The following COL5A1 variants were observed in gnomAD, a reference collection of about 807,000 sequenced individuals.
COL5A1 encodes the protein collagen type V alpha 1 chain.
A neutral mutation model predicts 263.7 loss-of-function variants in COL5A1; 16 were observed. The observed-to-expected ratio is 0.06, with a 90% CI of 0.04 to 0.09. The LOEUF (loss-of-function observed/expected upper bound fraction) is 0.09, where lower values mean the gene tolerates loss of function less well. COL5A1 is among the 10% of genes least tolerant of loss of function. COL5A1 has a pLI of 1.00. For synonymous variants in COL5A1, 1,012 were observed against 1,004.5 expected (o/e 1.01, Z -0.14); for missense variants, 2,036 against 2,540.5 (o/e 0.80, Z 4.27).
chr9:134,725,546 G>A (rs76346363), intron 4 of COL5A1, among the ~76,000 whole-genome samples: 3,628 of 152,288 alleles, frequency 0.024, 137 homozygotes, highest in African/African-American at 0.082. Flanking sequence ...TGCAGATAGC[G>A]TTTATGAGAC....
intron 39 of COL5A1, among the ~76,000 whole-genome samples, chr9:134,803,205 G>C (rs1189788843): frequency 3.3e-5 from 5 of 152,154 alleles, no homozygotes; most frequent in African/African-American, 4.8e-5. Flanking sequence ...GGGCTTGAAG[G>C]GGGAGCGCAG....
rs762192750 is a variant in COL5A1, at chr9:134,824,625, C to A, written c.4724C>A (p.Pro1575His). Residue 1575 changes from proline to histidine, a missense_variant, in exon 62 of 66, where the codon CCC becomes CAC. By Grantham distance (77) the Pro-to-His change is moderately conservative (BLOSUM62 -2). Coordinates refer to ENST00000371817, the MANE Select transcript of COL5A1 (RefSeq NM_000093.5). ...GGCCCCCCGGGAGAGGTCATCCAGC[C>A]CCTGCCAATCCAGGCATCCAGGACG... ...PPGPPGEVIQ[P>H]LPIQASRTRR... 6.2e-7 allele frequency: 1 copy of A among 1,614,178 alleles called. No homozygotes were observed. The highest frequency in any genetic ancestry group is 1.7e-5 in the Admixed American group (1 of 60,016).
At chr9:134,817,896 G>T (rs2132861756) in intron 54 of COL5A1, 65 bp downstream of exon 54, 1 of 1,487,792 alleles carries the variant, frequency 6.7e-7, no homozygotes. Flanking sequence ...AGAGGGTGGG[G>T]AGTGGACAAG....
intron 1 of COL5A1, 151 bp from the exon 2 acceptor site, chr9:134,690,761 A>G (rs954465444): frequency 8.7e-6 from 8 of 917,462 alleles, no homozygotes; most frequent in Non-Finnish European, 1.4e-5. Context: ...CTCGCCCAGC[A>G]CGCGGCTCTA....
rs1048330710 is a variant in COL5A1, at chr9:134,716,277, G to A, written c.655-10989G>A. ...GCTGACATCCTCACAGATGACAAGG[G>A]AGGGACCCGGTGCCCAGGCCTCCTG... On this transcript the variant is annotated intron_variant, in intron 4 of 65. Transcript: ENST00000371817. This position sits in a 1 kb window ranked among gnomAD's most constrained non-coding sequence, Gnocchi z 4.5. Among the ~76,000 whole-genome samples, 3 of 152,188 alleles carry A rather than the reference G, an allele frequency of 2.0e-5. No homozygotes were observed. Among genetic ancestry groups the A allele is most frequent in the Non-Finnish European group, 4.4e-5 (3 of 68,038 alleles).
intron 4 of COL5A1, among the ~76,000 whole-genome samples, chr9:134,720,040 A>G (rs3109684): frequency 0.52 from 78,494 of 151,808 alleles, 20,697 homozygotes; most frequent in Admixed American, 0.65. Context: ...CTTGGGGTCA[A>G]AGTCCACCCG....
chr9:134,688,597 G>C (rs577246622), intron 1 of COL5A1, among the ~76,000 whole-genome samples: 2 of 152,220 alleles, frequency 1.3e-5, no homozygotes, highest in Non-Finnish European at 2.9e-5. Flanking sequence ...TGGGTGGGCT[G>C]TGCCCTGCTT....
In COL5A1 at chr9:134,835,466, G is replaced by A. The variant is rs573828336; in HGVS notation, c.5370+262G>A. ...CTGGCCGGAAAAGCCAGGGGCGTGG[G>A]TCCCTCGCCCCATCCAGGGCTGTGG... On this transcript the variant is annotated intron_variant, in intron 65 of 65. Transcript: ENST00000371817. Among the ~76,000 whole-genome samples, 115 of 152,234 alleles carry A rather than the reference G, an allele frequency of 7.6e-4. 1 individual carries two copies. The highest frequency in any genetic ancestry group is 1.5e-3 in the Non-Finnish European group (101 of 68,042).
At chr9:134,760,188 CCCA>C (rs1238715587) in intron 18 of COL5A1, among the ~76,000 whole-genome samples, 1 of 106,140 alleles carries the variant, frequency 9.4e-6, no homozygotes, top group Admixed American at 1.0e-4. Context: ...CACATACACC[CCCA>C]CACCCCCACA....
chr9:134,689,120 G>A (rs894547407), intron 1 of COL5A1, among the ~76,000 whole-genome samples: 4 of 152,192 alleles, frequency 2.6e-5, no homozygotes, highest in Non-Finnish European at 1.5e-5. Context: ...CTTGCTGAGG[G>A]CCTGCTGGGA....
chr9:134,753,924 C>T (rs370200835), intron 15 of COL5A1, 21 bp downstream of exon 15: 18 of 1,609,608 alleles, frequency 1.1e-5, no homozygotes, highest in African/African-American at 6.7e-5. Context: ...TCCTTGCCTT[C>T]GCTGTCTGGT....
chr9:134,792,804 CGTGCATGTGT>C (rs1420302847), intron 32 of COL5A1, among the ~76,000 whole-genome samples: 55 of 129,760 alleles, frequency 4.2e-4, no homozygotes, highest in East Asian at 4.2e-3. Flanking sequence ...TGCATGTGTG[CGTGCATGTGT>C]GTGCATGTGT....
At chr9:134,766,357 A>G (rs1836664765) in intron 21 of COL5A1, 97 bp from the exon 22 acceptor site, 4 of 1,200,458 alleles carry the variant, frequency 3.3e-6, no homozygotes, top group Non-Finnish European at 4.9e-6. Context: ...TCGTCGTGGG[A>G]TGGGCGTCTG....
chr9:134,650,559 G>A (rs1202292002), intron 1 of COL5A1, among the ~76,000 whole-genome samples: 2 of 152,268 alleles, frequency 1.3e-5, no homozygotes, highest in African/African-American at 2.4e-5. Context: ...ATCTGAACAG[G>A]TGGTTTTACC....
In COL5A1 at chr9:134,647,550, T is replaced by C. The variant is rs552428032; in HGVS notation, c.109+5254T>C. On this transcript the variant is annotated intron_variant, in intron 1 of 65. Coordinates refer to ENST00000371817, the MANE Select transcript of COL5A1 (RefSeq NM_000093.5). This position sits in a 1 kb window ranked among gnomAD's most constrained non-coding sequence, Gnocchi z 5.0. ...ATGGGTGTCCCTGGCTGACTCCACG[T>C]GCAGGGCCTGGTGTGTTTGAGGAGC... 1.3e-5 allele frequency among the ~76,000 whole-genome samples: 2 copies of C among 152,322 alleles called. No homozygotes were observed. Among genetic ancestry groups the C allele is most frequent in the Admixed American group, 6.5e-5 (1 of 15,300 alleles).
At chr9:134,770,448 G>A (rs1239049453) in intron 25 of COL5A1, among the ~76,000 whole-genome samples, 1 of 152,170 alleles carries the variant, frequency 6.6e-6, no homozygotes, top group Admixed American at 6.5e-5. Context: ...GTGAATTATG[G>A]CTCAGTGGAA....
intron 39 of COL5A1, 72 bp from the exon 40 acceptor site, chr9:134,804,903 G>A: frequency 3.7e-6 from 5 of 1,345,602 alleles, no homozygotes; most frequent in South Asian, 2.4e-5. Flanking sequence ...CCAGCCCTTG[G>A]CTTCGCTCTG....
At chr9:134,766,536 A>G in intron 22 of COL5A1, 38 bp downstream of exon 22, 1 of 1,606,928 alleles carries the variant, frequency 6.2e-7, no homozygotes, top group Admixed American at 1.7e-5. Flanking sequence ...CTTCAGGGGC[A>G]CTTTCCCTGG....
At chr9:134,827,144 C>T (rs138303869) in intron 63 of COL5A1, among the ~76,000 whole-genome samples, 7 of 152,336 alleles carry the variant, frequency 4.6e-5, no homozygotes, top group African/African-American at 1.7e-4. Flanking sequence ...ACCTGTGCGC[C>T]CCTGCAGCCT....
Sources: gnomAD v4.1 joint callset for allele counts (sites outside exome capture counted in the v4.1 genomes callset) on GRCh38, gnomAD v4.1.1 for gene constraint, Gnocchi (gnomAD v3.1) non-coding constraint, MANE v1.5 for transcripts, NCBI Gene and HGNC (gene_info 2026-07-23, HGNC 2026-07-21) for gene names.